Variants in HMCN1 observed in about 807,000 individuals in gnomAD.
HMCN1 encodes hemicentin 1, also known as hemicentin-1.
Under a neutral mutation model 625.9 loss-of-function variants are expected in HMCN1, and 321 were observed. That is an observed-to-expected ratio of 0.51 (90% CI 0.47 to 0.56). The LOEUF is 0.56. Among genes scored for constraint, HMCN1 ranks in the 20% least tolerant of loss-of-function variants. The pLI is 0.00. For missense variants in HMCN1, 6,588 were observed against 6,887.3 expected (o/e 0.96, Z 1.54); for synonymous variants, 2,425 against 2,417.6 (o/e 1.00, Z -0.09).
At position 186,144,155 on chromosome 1, in the gene HMCN1, CT is replaced by C; in HGVS notation, c.13925-14del. ...ACACGGTTCTGTGACTTGCAACTGT[CT>C]TTTGGGGTGTTTGCAGTTCATGGAG... On this transcript the variant is annotated splice_polypyrimidine_tract_variant and intron_variant, in intron 89 of 106. Transcript: ENST00000271588. The C allele has an allele frequency of 6.3e-7, 1 of 1,576,530 alleles. No individual in the cohort carries two copies. The highest frequency in any genetic ancestry group is 8.6e-7 in the Non-Finnish European group (1 of 1,164,046).
chr1:186,033,066 A>ACG (rs766301100), intron 36 of HMCN1, among the ~76,000 whole-genome samples: 1 of 115,224 alleles, frequency 8.7e-6, no homozygotes, highest in African/African-American at 5.2e-5. Context: ...ACACACACGC[A>ACG]CACACACACA....
At position 185,863,827 on chromosome 1, in the gene HMCN1, G is replaced by T. The variant is rs577362518; in HGVS notation, c.340-643G>T. On this transcript the variant is annotated intron_variant, in intron 2 of 106. Coordinates refer to ENST00000271588, the MANE Select transcript of HMCN1 (RefSeq NM_031935.3). ...GAGTGAAAAGAATGACAAACAGAATGCATTTTATGTCAGATAGTCAGGGAA... is the reference window on the plus strand; with the variant it reads ...GAGTGAAAAGAATGACAAACAGAATTCATTTTATGTCAGATAGTCAGGGAA... Among the ~76,000 whole-genome samples, 8 of 152,326 alleles carry T rather than the reference G, an allele frequency of 5.3e-5. No individual in the cohort carries two copies. The East Asian group carries it at 1.5e-3, about 29-fold the overall frequency.
At chr1:186,089,147 C>T (rs764191580) in intron 63 of HMCN1, among the ~76,000 whole-genome samples, 6 of 151,712 alleles carry the variant, frequency 4.0e-5, no homozygotes, top group East Asian at 3.9e-4. Flanking sequence ...ATGATCTGAC[C>T]GCAGGTAGAT....
chr1:185,938,047 TGTG>T (rs1304405025), intron 11 of HMCN1, among the ~76,000 whole-genome samples: 2 of 151,702 alleles, frequency 1.3e-5, no homozygotes, highest in Non-Finnish European at 2.9e-5. Flanking sequence ...AAATCATGGA[TGTG>T]GTGCATAAAT....
At chr1:185,810,347 C>T (rs1659435220) in intron 1 of HMCN1, among the ~76,000 whole-genome samples, 1 of 151,958 alleles carries the variant, frequency 6.6e-6, no homozygotes, top group African/African-American at 2.4e-5. Flanking sequence ...TGAAACTTGT[C>T]AAATATAATC....
chr1:185,856,280 C>T lies in HMCN1; in HGVS notation c.340-8190C>T, dbSNP rs181263991. ...GAGGTGGGTGGATCATCTGAGTTCA[C>T]GAGTTTGAGACCAGCCTGGCCAACC... On this transcript the variant is annotated intron_variant, in intron 2 of 106. Transcript: ENST00000271588. Among the ~76,000 whole-genome samples the T allele has an allele frequency of 3.5e-4, 53 of 152,002 alleles. 2 individuals are homozygous for T. The East Asian group carries it at 9.3e-3, about 27-fold the overall frequency.
intron 105 of HMCN1, 40 bp downstream of exon 105, chr1:186,182,327 T>G: frequency 6.2e-7 from 1 of 1,611,528 alleles, no homozygotes; most frequent in South Asian, 1.1e-5. Flanking sequence ...CAAACTTGAC[T>G]AAAAACCAAC....
At chr1:186,080,137 T>C (rs1558204212) in intron 55 of HMCN1, among the ~76,000 whole-genome samples, 1 of 152,242 alleles carries the variant, frequency 6.6e-6, no homozygotes, top group African/African-American at 2.4e-5. Flanking sequence ...TTATATTATC[T>C]GAAGTATAAT....
At chr1:185,795,704 C>T (rs1489470036) in intron 1 of HMCN1, among the ~76,000 whole-genome samples, 1 of 152,208 alleles carries the variant, frequency 6.6e-6, no homozygotes, top group Non-Finnish European at 1.5e-5. Flanking sequence ...TAGAAAGCAG[C>T]AGGTTAAAGA....
chr1:185,881,502 C>T (rs1438312775), intron 4 of HMCN1, among the ~76,000 whole-genome samples: 2 of 152,122 alleles, frequency 1.3e-5, no homozygotes, highest in African/African-American at 2.4e-5. Flanking sequence ...TCTTTATAGG[C>T]ACAGGACGGG....
intron 19 of HMCN1, among the ~76,000 whole-genome samples, chr1:185,984,831 GACTA>G (rs1651901904): frequency 6.6e-6 from 1 of 151,978 alleles, no homozygotes; most frequent in African/African-American, 2.4e-5. Flanking sequence ...TTCCATTCGT[GACTA>G]ACAGTAACCA....
At chr1:185,817,096 T>C (rs1241158631) in intron 1 of HMCN1, among the ~76,000 whole-genome samples, 27 of 152,216 alleles carry the variant, frequency 1.8e-4, no homozygotes, top group Admixed American at 1.7e-3. Flanking sequence ...TACAAGGTGC[T>C]GTAGTAGGTG....
chr1:186,157,498 T>TA (rs1220151579), intron 97 of HMCN1, among the ~76,000 whole-genome samples: 2 of 152,316 alleles, frequency 1.3e-5, no homozygotes, highest in African/African-American at 4.8e-5. Context: ...ACTTTTTTTT[T>TA]ATTATACTTT....
rs574160757 is a variant in HMCN1 at position 185,913,848 on chromosome 1, G to A, written c.900+2068G>A. On this transcript the variant is annotated intron_variant, in intron 6 of 106. Coordinates refer to ENST00000271588, the MANE Select transcript of HMCN1 (RefSeq NM_031935.3). ...GTGCTACTTACTTAATGGACATTAC[G>A]CACATTTTAATTGATAATTAGAACA... 9.5e-4 allele frequency among the ~76,000 whole-genome samples: 144 copies of A among 152,132 alleles called. 1 individual carries two copies. The highest frequency in any genetic ancestry group is 3.3e-3 in the African/African-American group (136 of 41,514).
At position 185,851,961 on chromosome 1, in the gene HMCN1, A is replaced by G. The variant is rs559396398; in HGVS notation, c.339+5865A>G. On this transcript the variant is annotated intron_variant, in intron 2 of 106. Transcript: ENST00000271588. ...GTTTCCTTAGTAAAGTCTTTTAATA[A>G]AATTGACTTTTTAAAAAAGTAGGAA... is the stretch of plus-strand genomic sequence containing the variant. Among the ~76,000 whole-genome samples the G allele has an allele frequency of 5.3e-5, 8 of 152,218 alleles. No homozygotes were observed. The South Asian group carries it at 1.7e-3, about 32-fold the overall frequency.
intron 2 of HMCN1, among the ~76,000 whole-genome samples, chr1:185,853,583 C>T (rs1378400472): frequency 6.6e-6 from 1 of 152,014 alleles, no homozygotes; most frequent in African/African-American, 2.4e-5. Context: ...ACAAACCATC[C>T]TACATCCCCA....
At chr1:185,992,427 A>G (rs1203572709) in intron 22 of HMCN1, among the ~76,000 whole-genome samples, 28 of 152,160 alleles carry the variant, frequency 1.8e-4, no homozygotes, top group Admixed American at 1.8e-3. Flanking sequence ...TAAATTTTGT[A>G]AATAATATCA....
rs1004489627 is a variant in HMCN1 at position 186,079,354 on chromosome 1, C to G, written c.8599+1134C>G. On this transcript the variant is annotated intron_variant, in intron 55 of 106. Coordinates refer to ENST00000271588, the MANE Select transcript of HMCN1 (RefSeq NM_031935.3). The stretch of plus-strand genomic sequence containing the variant: ...CTTAAAGGAGCCTGGCTCTCCCTTA[C>G]AGTGGTCAGTAGTATTACTCTCTCT... Among the ~76,000 whole-genome samples, 9 of 152,160 alleles carry G rather than the reference C, an allele frequency of 5.9e-5. 1 individual carries two copies. The highest frequency in any genetic ancestry group is 1.3e-4 in the Non-Finnish European group (9 of 68,030).
intron 1 of HMCN1, among the ~76,000 whole-genome samples, chr1:185,823,346 C>G (rs1467212522): frequency 6.6e-6 from 1 of 152,116 alleles, no homozygotes. Flanking sequence ...CATGAGCTTT[C>G]TGTAATATAC....
Sources: allele counts gnomAD v4.1 joint callset (sites outside exome capture counted in the v4.1 genomes callset), GRCh38; gene constraint gnomAD v4.1.1; transcripts MANE v1.5; gene names NCBI Gene and HGNC (gene_info 2026-07-23, HGNC 2026-07-21).